EMB: variants seen among roughly 807,000 people sequenced by gnomAD.
The protein encoded by EMB is embigin, also known as embigin homolog.
In EMB, 31 loss-of-function variants were observed where a neutral mutation model predicts 41.4. The observed-to-expected ratio is 0.75, with a 90% CI of 0.56 to 1.01. EMB has a LOEUF of 1.01. Among genes scored for constraint, EMB ranks in the 50% least tolerant of loss-of-function variants. The probability of loss-of-function intolerance (pLI) is 0.00; values close to 1 mark genes in which losing one functional copy is unlikely to be tolerated. For missense variants in EMB, 379 were observed against 388.3 expected, an observed-to-expected ratio of 0.98 and a Z score of 0.20; for synonymous variants, 137 against 140.4, an observed-to-expected ratio of 0.98 and a Z score of 0.17.
intron 2 of EMB, among the ~76,000 whole-genome samples, chr5:50,420,594 T>A (rs574280350): frequency 5.3e-5 from 8 of 152,304 alleles, no homozygotes; most frequent in African/African-American, 1.9e-4. Flanking sequence ...CACTGTCCGG[T>A]TTCACCTTTC....
chr5:50,403,278 C>G lies in EMB; in HGVS notation c.777G>C (p.Val259=), dbSNP rs370722596. 1 of 1,612,748 alleles carries G rather than the reference C, an allele frequency of 6.2e-7. No homozygotes were observed. Among genetic ancestry groups the G allele is most frequent in the East Asian group, 2.2e-5 (1 of 44,832 alleles). The change falls in exon 6 of 9, where the codon GTG becomes GTC. Residue 259 remains valine (V), a synonymous_variant. Transcript: ENST00000303221. ...CTATTACAAGAAATGGTTTGAGGGG[C>G]ACCAAATAGCTCAGCACCACAAGCT... ...HIELVVLSYL[V]PLKPFLVIVA...
intron 2 of EMB, among the ~76,000 whole-genome samples, chr5:50,420,049 GC>G (rs1350452917): frequency 6.6e-6 from 1 of 152,102 alleles, no homozygotes. Flanking sequence ...GGGGTGCAGA[GC>G]ATTAGGGAAA....
At position 50,396,614 on chromosome 5, in the gene EMB, G is replaced by C. The variant is rs1172360453; in HGVS notation, c.*2659C>G. The C allele has an allele frequency of 1.3e-5, 2 of 152,138 alleles. No individual in the cohort carries two copies. The highest frequency in any genetic ancestry group is 2.9e-5 in the Non-Finnish European group (2 of 68,014). 9.4% of individuals were successfully genotyped at this position (152,138 alleles called of 1,614,324 possible). Reference sequence around the variant, plus strand: ...GCGGAATCTCCATGTGCCAAGTCTAGTTCAAGAGACTGGATAGAGATTAGC... The same window carrying C: ...GCGGAATCTCCATGTGCCAAGTCTACTTCAAGAGACTGGATAGAGATTAGC... On this transcript the variant is annotated 3_prime_UTR_variant, in exon 9 of 9. Transcript: ENST00000303221.
intron 2 of EMB, among the ~76,000 whole-genome samples, chr5:50,419,868 T>C (rs1343539761): frequency 2.6e-5 from 4 of 152,188 alleles, no homozygotes; most frequent in Non-Finnish European, 5.9e-5. Flanking sequence ...AACAAGATCA[T>C]GTCCTTTGCA....
chr5:50,415,380 G>C (rs761303192), intron 2 of EMB, among the ~76,000 whole-genome samples: 5 of 152,118 alleles, frequency 3.3e-5, no homozygotes, highest in Non-Finnish European at 4.4e-5. Context: ...CTTTGTATTA[G>C]ACATCAGTTT....
intron 1 of EMB, among the ~76,000 whole-genome samples, chr5:50,436,598 TG>T (rs1726709041): frequency 6.6e-6 from 1 of 152,178 alleles, no homozygotes; most frequent in African/African-American, 2.4e-5. Context: ...ACAAAAGCCT[TG>T]TTAAACTTGC....
intron 1 of EMB, among the ~76,000 whole-genome samples, chr5:50,440,281 C>T (rs1251727391): frequency 6.6e-6 from 1 of 152,150 alleles, no homozygotes; most frequent in Non-Finnish European, 1.5e-5. Context: ...CGCCTGTAAT[C>T]CCAGCACTTT....
At chr5:50,408,583 C>T (rs1482821634) in intron 4 of EMB, among the ~76,000 whole-genome samples, 1 of 151,994 alleles carries the variant, frequency 6.6e-6, no homozygotes, top group Non-Finnish European at 1.5e-5. Flanking sequence ...CAGGCTCATG[C>T]ACTATAGGTG....
Position 50,437,152 on chromosome 5 carries a change from T to C in EMB, c.112+3888A>G, listed in dbSNP as rs569909500. ...CGGGTGTGGTGGCATATGCCTGTAG[T>C]CCCAGCCATGTGGGAGGCTGAAGTG... On this transcript the variant is annotated intron_variant, in intron 1 of 8. Coordinates refer to ENST00000303221, the MANE Select transcript of EMB (RefSeq NM_198449.3). 3.2e-4 allele frequency among the ~76,000 whole-genome samples: 48 copies of C among 152,184 alleles called. 1 individual carries two copies. The East Asian group carries it at 7.0e-3, about 22-fold the overall frequency.
At chr5:50,405,914 A>G in intron 4 of EMB, 62 bp from the exon 5 acceptor site, 3 of 1,488,062 alleles carry the variant, frequency 2.0e-6, no homozygotes, top group African/African-American at 1.4e-5. Context: ...AATGTATTAA[A>G]TGTGCAAATA....
At chr5:50,419,849 A>C (rs1456886870) in intron 2 of EMB, among the ~76,000 whole-genome samples, 4 of 152,236 alleles carry the variant, frequency 2.6e-5, no homozygotes, top group African/African-American at 9.6e-5. Flanking sequence ...CTATGCAGCC[A>C]CAAAAAGGAA....
intron 1 of EMB, among the ~76,000 whole-genome samples, chr5:50,440,533 C>CAAAAAAAAAAAAA (rs70972912): frequency 1.7e-5 from 1 of 60,040 alleles, no homozygotes; most frequent in African/African-American, 6.9e-5. Context: ...AACTCCGTCT[C>CAAAAAAAAAAAAA]AAAAAAAAAA....
At chr5:50,413,047 C>T (rs1337465907) in intron 2 of EMB, among the ~76,000 whole-genome samples, 2 of 152,030 alleles carry the variant, frequency 1.3e-5, no homozygotes, top group Non-Finnish European at 2.9e-5. Context: ...CAACAATACA[C>T]ACATACATAC....
chr5:50,439,732 T>C (rs1267151843), intron 1 of EMB, among the ~76,000 whole-genome samples: 1 of 152,166 alleles, frequency 6.6e-6, no homozygotes, highest in Non-Finnish European at 1.5e-5. Flanking sequence ...TTATAAAAAT[T>C]AATAGTCTTA....
chr5:50,422,105 G>A (rs1745534654), intron 2 of EMB, among the ~76,000 whole-genome samples: 1 of 151,818 alleles, frequency 6.6e-6, no homozygotes, highest in African/African-American at 2.4e-5. Flanking sequence ...TTTTTAAAAA[G>A]AACAGATAAA....
chr5:50,417,993 T>C (rs1450705571), intron 2 of EMB, among the ~76,000 whole-genome samples: 1 of 152,242 alleles, frequency 6.6e-6, no homozygotes, highest in East Asian at 1.9e-4. Context: ...AGGCATGTAA[T>C]GGTTATTTCT....
intron 2 of EMB, among the ~76,000 whole-genome samples, chr5:50,414,445 G>C (rs1367974117): frequency 7.0e-6 from 1 of 143,368 alleles, no homozygotes; most frequent in Admixed American, 7.3e-5. Flanking sequence ...AAGATCTCTT[G>C]AGCCCGAGAG....
At chr5:50,400,360 C>T (rs1745141016) in intron 7 of EMB, among the ~76,000 whole-genome samples, 1 of 151,842 alleles carries the variant, frequency 6.6e-6, no homozygotes, top group Non-Finnish European at 1.5e-5. Flanking sequence ...AAATGTGGGC[C>T]TCAGATTCTA....
In EMB at chr5:50,441,106, G is replaced by C; in HGVS notation, c.46C>G (p.Arg16Gly). 1.3e-6 allele frequency: 2 copies of C among 1,517,404 alleles called. No individual in the cohort carries two copies. The highest frequency in any genetic ancestry group is 1.8e-6 in the Non-Finnish European group (2 of 1,136,494). The allele number at this position is 1,517,404 out of a possible 1,614,324, so 94.0% of individuals were successfully genotyped here. A position where few individuals can be genotyped will look rare whatever the true frequency, so the allele number is the denominator to read the frequency against. The change falls in exon 1 of 9, where the codon CGG (arginine) becomes GGG (glycine). Residue 16 changes from arginine (R) to glycine (G), a missense_variant. Physicochemically the swap from Arg to Gly is moderately radical, Grantham distance 125. Coordinates refer to ENST00000303221, the MANE Select transcript of EMB (RefSeq NM_198449.3). The part of the protein sequence containing the change: ...GLLEARARTP[R>G]LLLLQCLLAA... ...AGAAGGCACTGGAGGAGGAGCAGCC[G>C]GGGCGTACGCGCCCTGGCCTCCAGC...
Sources: allele counts gnomAD v4.1 joint callset (sites outside exome capture counted in the v4.1 genomes callset), GRCh38; gene constraint gnomAD v4.1.1; transcripts MANE v1.5; gene names NCBI Gene and HGNC (gene_info 2026-07-23, HGNC 2026-07-21).